The following LDHA variants were observed in gnomAD, a reference collection of about 807,000 sequenced individuals.
LDHA encodes lactate dehydrogenase A.
In LDHA, 10 loss-of-function variants were observed where a neutral mutation model predicts 36.3. The observed-to-expected ratio is 0.28, with a 90% CI of 0.17 to 0.47. LDHA has a LOEUF of 0.47. LDHA is among the 20% of genes least tolerant of loss of function. The pLI is 0.99. For synonymous variants in LDHA, 110 were observed against 136.7 expected, an observed-to-expected ratio of 0.80 and a Z score of 1.36; for missense variants, 267 against 405.8, an observed-to-expected ratio of 0.66 and a Z score of 2.94.
chr11:18,399,336 A>C, intron 2 of LDHA, 95 bp from the exon 3 acceptor site: 1 of 875,220 alleles, frequency 1.1e-6, no homozygotes, highest in Admixed American at 1.8e-5. Context: ...AAGTAACAGA[A>C]CTCTCCTATG....
At position 18,398,391 on chromosome 11, in the gene LDHA, TTTTTAAG is replaced by T. The variant is rs1306711548; in HGVS notation, c.127-1035_127-1029del. On this transcript the variant is annotated intron_variant, in intron 2 of 7. Coordinates refer to ENST00000422447, the MANE Select transcript of LDHA (RefSeq NM_005566.4). The stretch of plus-strand genomic sequence containing the variant: ...ATGGGCGGAAATCAGACTTTTTAAC[TTTTTAAG>T]TTTTTTTTTTTTGAGACGGAATCTC... 7.6e-5 allele frequency among the ~76,000 whole-genome samples: 5 copies of T among 66,164 alleles called. 1 individual carries two copies. The highest frequency in any genetic ancestry group is 1.7e-4 in the Non-Finnish European group (5 of 28,688). The allele number at this position is 66,164 out of a possible 152,430, so 43.4% of individuals were successfully genotyped here.
chr11:18,402,035 C>T (rs1197545026), intron 4 of LDHA, among the ~76,000 whole-genome samples: 2 of 137,324 alleles, frequency 1.5e-5, no homozygotes, highest in African/African-American at 2.7e-5. Context: ...TGGCTCACTG[C>T]AACCTCTGCC....
rs1866466609 is a variant in LDHA, at chr11:18,400,982, C to T, written c.390C>T (p.Asn130=). Residue 130 remains asparagine, a synonymous_variant, in exon 4 of 8, where the codon AAC becomes AAT. Coordinates refer to ENST00000422447, the MANE Select transcript of LDHA (RefSeq NM_005566.4). ...CTAATGTTGTAAAATACAGCCCGAA[C>T]TGCAAGTTGCTTATTGTTTCAAATC... ...IIPNVVKYSP[N]CKLLIVSNPV... 6.2e-7 allele frequency: 1 copy of T among 1,613,314 alleles called. No homozygotes were observed. The highest frequency in any genetic ancestry group is 8.5e-7 in the Non-Finnish European group (1 of 1,179,678).
At chr11:18,402,749 A>G (rs1866549868) in intron 4 of LDHA, 91 bp from the exon 5 acceptor site, 1 of 964,120 alleles carries the variant, frequency 1.0e-6, no homozygotes, top group South Asian at 1.3e-5. Context: ...ATCACCTAGT[A>G]TCTGGTTAAG....
In LDHA at chr11:18,399,540, C is replaced by T; in HGVS notation, c.236C>T (p.Ser79Phe). Reference sequence around the variant, plus strand: ...TTCCTTAGAACACCAAAGATTGTCTCTGGCAAAGGTTGATTTCAACAAGTT... The same window carrying T: ...TTCCTTAGAACACCAAAGATTGTCTTTGGCAAAGGTTGATTTCAACAAGTT... Reference protein sequence around the residue: ...SLFLRTPKIVSGKDYNVTANS... With the variant: ...SLFLRTPKIVFGKDYNVTANS... Residue 79 changes from serine to phenylalanine, a missense_variant, in exon 3 of 8, where the codon TCT (serine) becomes TTT (phenylalanine). Ser to Phe is a radical substitution (Grantham distance 155). Transcript: ENST00000422447. 1 of 1,592,188 alleles carries T rather than the reference C, an allele frequency of 6.3e-7. No individual in the cohort carries two copies. The highest frequency in any genetic ancestry group is 8.6e-7 in the Non-Finnish European group (1 of 1,160,064).
rs1244641413 is a variant in LDHA at position 18,408,348 on chromosome 11, CA to C, written c.*1075del. 1.7e-4 allele frequency: 63 copies of C among 365,162 alleles called. No homozygotes were observed. In the Middle Eastern group the frequency reaches 4.8e-3, roughly 28 times the overall value. 22.6% of individuals were successfully genotyped at this position (365,162 alleles called of 1,614,324 possible). ...ATCTGTTAAAAAAACAAAACAAAACCAAAAAAAACAAGTAACCTTGGTGGAT... is the reference window on the plus strand; with the variant it reads ...ATCTGTTAAAAAAACAAAACAAAACCAAAAAAACAAGTAACCTTGGTGGAT... On this transcript the variant is annotated 3_prime_UTR_variant, in exon 8 of 8. Transcript: ENST00000422447.
At chr11:18,396,497 A>G in intron 1 of LDHA, 1 of 980,376 alleles carries the variant, frequency 1.0e-6, no homozygotes. Context: ...AGTAGCTCAG[A>G]GTGATCTTGT....
chr11:18,396,506 G>C, intron 1 of LDHA: 1 of 1,137,738 alleles, frequency 8.8e-7, no homozygotes, highest in Non-Finnish European at 1.1e-6. Flanking sequence ...GAGTGATCTT[G>C]TCTGAGGAAA....
intron 7 of LDHA, chr11:18,405,849 C>T (rs72868542): frequency 4.7e-5 from 17 of 361,174 alleles, no homozygotes; most frequent in Admixed American, 8.5e-5. Flanking sequence ...TAAACTATTT[C>T]TCCATTGGGG....
At chr11:18,403,253 G>A (rs1249666713) in intron 5 of LDHA, among the ~76,000 whole-genome samples, 3 of 152,126 alleles carry the variant, frequency 2.0e-5, no homozygotes, top group African/African-American at 7.2e-5. Context: ...GATATCTTAA[G>A]ACTGTAGTTC....
chr11:18,401,082 ATATT>A (rs1338154319), intron 4 of LDHA, 72 bp downstream of exon 4: 2 of 535,922 alleles, frequency 3.7e-6, no homozygotes, highest in African/African-American at 2.1e-5. Flanking sequence ...TATATTATAT[ATATT>A]TTAAATATTT....
intron 1 of LDHA, among the ~76,000 whole-genome samples, chr11:18,395,623 GCTGA>G: frequency 6.6e-6 from 1 of 152,304 alleles, no homozygotes; most frequent in South Asian, 2.1e-4. Flanking sequence ...GTGACTCTGG[GCTGA>G]CTGCCTGCCT....
chr11:18,397,099 T>C, intron 2 of LDHA, 131 bp downstream of exon 2: 1 of 804,642 alleles, frequency 1.2e-6, no homozygotes, highest in South Asian at 1.7e-5. Context: ...CGGATAACTT[T>C]CTGTGAAACA....
At chr11:18,402,217 A>C (rs1332319764) in intron 4 of LDHA, among the ~76,000 whole-genome samples, 1 of 151,186 alleles carries the variant, frequency 6.6e-6, no homozygotes, top group Non-Finnish European at 1.5e-5. Context: ...AGCCTCCCAA[A>C]GTATTAGGAT....
chr11:18,401,115 A>G, intron 4 of LDHA, 105 bp downstream of exon 4: 2 of 459,290 alleles, frequency 4.4e-6, no homozygotes, highest in Non-Finnish European at 6.5e-6. Context: ...TTTAAAAAAT[A>G]CATTTTTAAA....
At chr11:18,407,016 TAAA>T in intron 7 of LDHA, 98 bp from the exon 8 acceptor site, 15 of 858,524 alleles carry the variant, frequency 1.7e-5, no homozygotes, top group Non-Finnish European at 2.0e-5. Flanking sequence ...AAAAAAAAAT[TAAA>T]AAAAAAAAGC....
rs1866402608 is a variant in LDHA, at chr11:18,399,372, T to C, written c.127-59T>C. ...CCAGAAATATAGAAATTTTTCATGC[T>C]CTTCTAAAAATCTAGAAGTGGCAAT... On this transcript the variant is annotated intron_variant, in intron 2 of 7. Coordinates refer to ENST00000422447, the MANE Select transcript of LDHA (RefSeq NM_005566.4). The C allele has an allele frequency of 2.6e-6, 3 of 1,170,716 alleles. No homozygotes were observed. In the Admixed American group the frequency reaches 5.1e-5, roughly 20 times the overall value. 72.5% of individuals were successfully genotyped at this position (1,170,716 alleles called of 1,614,324 possible). A position where few individuals can be genotyped will look rare whatever the true frequency, so the allele number is the denominator to read the frequency against.
chr11:18,403,154 T>C (rs1800196510), intron 5 of LDHA, 141 bp downstream of exon 5: 1 of 726,542 alleles, frequency 1.4e-6, no homozygotes, highest in African/African-American at 1.8e-5. Context: ...TTTGTATAAT[T>C]ATATGTTAAG....
rs573007050 is a variant in LDHA at position 18,396,378 on chromosome 11, G to A, written c.-24-441G>A. ...AAAGCGCGCATGCGCGCGGATCACCGCAGGCTCCTGTGCCTTGGGCTTGAG... is the reference window on the plus strand; with the variant it reads ...AAAGCGCGCATGCGCGCGGATCACCACAGGCTCCTGTGCCTTGGGCTTGAG... On this transcript the variant is annotated intron_variant, in intron 1 of 7. Transcript: ENST00000422447. The A allele has an allele frequency of 9.8e-4, 393 of 400,088 alleles. 2 individuals carry two copies. Among genetic ancestry groups the A allele is most frequent in the African/African-American group, 6.5e-3 (319 of 48,792 alleles). 24.8% of individuals were successfully genotyped at this position (400,088 alleles called of 1,614,324 possible).
Sources: gnomAD v4.1 joint callset for allele counts (sites outside exome capture counted in the v4.1 genomes callset) on GRCh38, gnomAD v4.1.1 for gene constraint, MANE v1.5 for transcripts, NCBI Gene and HGNC (gene_info 2026-07-23, HGNC 2026-07-21) for gene names.